Variants in BMERB1 observed in about 807,000 individuals in gnomAD.
BMERB1 encodes bMERB domain containing 1.
BMERB1 carries 12 observed loss-of-function variants against 23.6 expected under a neutral mutation model. That is an observed-to-expected ratio of 0.51 (90% confidence interval 0.33 to 0.82). BMERB1 has a LOEUF of 0.82. BMERB1 is among the 40% of genes least tolerant of loss of function. The pLI is 0.03. For synonymous variants in BMERB1, 122 were observed against 96.6 expected (o/e 1.26, Z -1.54); for missense variants, 247 against 255.4 (o/e 0.97, Z 0.22).
At chr16:15,511,709 C>T (rs1034218803) in intron 1 of BMERB1, among the ~76,000 whole-genome samples, 1 of 152,062 alleles carries the variant, frequency 6.6e-6, no homozygotes, top group African/African-American at 2.4e-5. Context: ...TACTGTTTCT[C>T]TTGAAAACTG....
chr16:15,566,903 G>A lies in BMERB1; in HGVS notation c.231-1080G>A, dbSNP rs2030582012. 2.0e-5 allele frequency among the ~76,000 whole-genome samples: 3 copies of A among 152,042 alleles called. No homozygotes were observed. In the South Asian group the frequency reaches 6.2e-4, roughly 31 times the overall value. On this transcript the variant is annotated intron_variant, in intron 2 of 5. Coordinates refer to ENST00000300006, the MANE Select transcript of BMERB1 (RefSeq NM_033201.3). ...CGCTTTTTTTTTAAATCTGGAGGAG[G>A]CTGGGTGCAGTGGCTCATACCTATA... is the stretch of plus-strand genomic sequence containing the variant.
intron 2 of BMERB1, among the ~76,000 whole-genome samples, chr16:15,535,541 T>C (rs2052016573): frequency 6.6e-6 from 1 of 150,878 alleles, no homozygotes; most frequent in Non-Finnish European, 1.5e-5. Context: ...ACCCAGCTGC[T>C]CAGGAGGCTG....
intron 1 of BMERB1, among the ~76,000 whole-genome samples, chr16:15,464,312 TAAAAAA>T (rs528828210): frequency 1.9e-5 from 2 of 103,996 alleles, no homozygotes; most frequent in African/African-American, 7.3e-5. Flanking sequence ...GACTTCATCT[TAAAAAA>T]AAAAAAAAAA....
At chr16:15,562,375 C>T (rs747052928) in intron 2 of BMERB1, among the ~76,000 whole-genome samples, 28 of 151,748 alleles carry the variant, frequency 1.8e-4, no homozygotes, top group Admixed American at 9.9e-4. Context: ...AGTCACTGTA[C>T]CATGGCCCTT....
At chr16:15,555,287 T>C (rs2030221484) in intron 2 of BMERB1, among the ~76,000 whole-genome samples, 3 of 152,148 alleles carry the variant, frequency 2.0e-5, no homozygotes, top group African/African-American at 7.2e-5. Context: ...TTGCCTAGGC[T>C]AATCTCGAAC....
intron 1 of BMERB1, among the ~76,000 whole-genome samples, chr16:15,475,437 G>T (rs1005334193): frequency 5.3e-5 from 8 of 152,196 alleles, no homozygotes; most frequent in African/African-American, 1.7e-4. Context: ...CCTGAAAGCT[G>T]TTGTACTCAC....
chr16:15,558,455 A>G (rs1215351706), intron 2 of BMERB1, among the ~76,000 whole-genome samples: 1 of 152,070 alleles, frequency 6.6e-6, no homozygotes. Context: ...TGTTTAGAAA[A>G]TGGCAGCATT....
chr16:15,570,273 C>T (rs1026833159), intron 3 of BMERB1, among the ~76,000 whole-genome samples: 1 of 152,164 alleles, frequency 6.6e-6, no homozygotes, highest in African/African-American at 2.4e-5. Flanking sequence ...TCTCAAGGAG[C>T]CCCCAGGTTA....
At chr16:15,452,331 G>GGAGAGAGGGAGGGA (rs532543517) in intron 1 of BMERB1, among the ~76,000 whole-genome samples, 32,376 of 132,100 alleles carry the variant, frequency 0.25, 4,450 homozygotes, top group Middle Eastern at 0.39. Flanking sequence ...AGGGAGGGAG[G>GGAGAGAGGGAGGGA]GAGAGAGAGA....
intron 2 of BMERB1, among the ~76,000 whole-genome samples, chr16:15,548,301 C>T (rs113597122): frequency 0.017 from 2,593 of 152,146 alleles, 79 homozygotes; most frequent in African/African-American, 0.06. Context: ...TGGTGAATTC[C>T]GAGTAAATGG....
At chr16:15,466,315 T>C (rs1301141917) in intron 1 of BMERB1, among the ~76,000 whole-genome samples, 1 of 152,202 alleles carries the variant, frequency 6.6e-6, no homozygotes, top group Non-Finnish European at 1.5e-5. Flanking sequence ...GTTATTTTAT[T>C]ATTGTGTTTT....
intron 1 of BMERB1, among the ~76,000 whole-genome samples, chr16:15,512,749 C>T (rs972787227): frequency 1.5e-4 from 22 of 151,700 alleles, no homozygotes; most frequent in African/African-American, 4.1e-4. Flanking sequence ...CATGGTGGCA[C>T]GAGCCTGTAA....
At chr16:15,455,201 A>G (rs1223352930) in intron 1 of BMERB1, among the ~76,000 whole-genome samples, 2 of 150,228 alleles carry the variant, frequency 1.3e-5, no homozygotes, top group East Asian at 2.0e-4. Flanking sequence ...GCGTGCACCT[A>G]TAATCCCAGC....
At chr16:15,580,188 C>T (rs901771971) in intron 3 of BMERB1, among the ~76,000 whole-genome samples, 3 of 145,976 alleles carry the variant, frequency 2.1e-5, no homozygotes, top group Non-Finnish European at 1.5e-5. Flanking sequence ...CCTAGAACTC[C>T]TGGGCTCAAG....
chr16:15,510,364 C>A (rs1180943151), intron 1 of BMERB1, among the ~76,000 whole-genome samples: 1 of 152,158 alleles, frequency 6.6e-6, no homozygotes, highest in Non-Finnish European at 1.5e-5. Context: ...CTTGCCAGCG[C>A]TGAGCCTTTG....
At chr16:15,514,756 C>T (rs1241654654) in intron 1 of BMERB1, among the ~76,000 whole-genome samples, 1 of 151,898 alleles carries the variant, frequency 6.6e-6, no homozygotes, top group Non-Finnish European at 1.5e-5. Flanking sequence ...TGCATTGCAG[C>T]CTGGGCAACA....
intron 1 of BMERB1, among the ~76,000 whole-genome samples, chr16:15,491,684 T>G (rs1160318057): frequency 6.6e-6 from 1 of 152,164 alleles, no homozygotes; most frequent in Non-Finnish European, 1.5e-5. Context: ...CTCACTGTGT[T>G]GTCACCTCTC....
chr16:15,573,163 A>G lies in BMERB1; in HGVS notation c.304+5107A>G, dbSNP rs1212514047. On this transcript the variant is annotated intron_variant, in intron 3 of 5. Transcript: ENST00000300006. ...GAGTTTTTGCAGTGGTAAAAAGGAAACAGTTTATTTGCAAGGCTCCAAGCC... is the reference window on the plus strand; with the variant it reads ...GAGTTTTTGCAGTGGTAAAAAGGAAGCAGTTTATTTGCAAGGCTCCAAGCC... Among the ~76,000 whole-genome samples the G allele has an allele frequency of 3.9e-5, 6 of 152,280 alleles. No homozygotes were observed. The East Asian group carries it at 9.7e-4, about 24-fold the overall frequency.
intron 1 of BMERB1, among the ~76,000 whole-genome samples, chr16:15,468,851 T>C (rs1052364253): frequency 2.6e-5 from 4 of 152,190 alleles, no homozygotes; most frequent in Admixed American, 2.0e-4. Flanking sequence ...ATTTTATTTT[T>C]TGTGTAAAGC....
Sources: gnomAD v4.1 joint callset for allele counts (sites outside exome capture counted in the v4.1 genomes callset) on GRCh38, gnomAD v4.1.1 for gene constraint, MANE v1.5 for transcripts, NCBI Gene and HGNC (gene_info 2026-07-23, HGNC 2026-07-21) for gene names.